Variants in AFAP1L1 observed in about 807,000 individuals in gnomAD.
The protein encoded by AFAP1L1 is actin filament-associated protein 1-like 1.
Under a neutral mutation model 99.8 loss-of-function variants are expected in AFAP1L1, and 77 were observed. That is an observed-to-expected ratio of 0.77 (90% CI 0.64 to 0.93). The LOEUF (loss-of-function observed/expected upper bound fraction) is 0.93, where lower values mean the gene tolerates loss of function less well. Ranked by LOEUF, AFAP1L1 falls within the 40% of genes least tolerant of loss-of-function variation. The probability of loss-of-function intolerance (pLI) is 0.00; values close to 1 mark genes in which losing one functional copy is unlikely to be tolerated. For missense variants in AFAP1L1, 893 were observed against 996.8 expected (o/e 0.90, Z 1.40); for synonymous variants, 373 against 395.3 (o/e 0.94, Z 0.67).
At chr5:149,312,226 C>A in intron 9 of AFAP1L1, 22 bp downstream of exon 9, 1 of 1,611,500 alleles carries the variant, frequency 6.2e-7, no homozygotes, top group Non-Finnish European at 8.5e-7. Flanking sequence ...TCCACTAAGT[C>A]TTCCCCAGGC....
intron 15 of AFAP1L1, among the ~76,000 whole-genome samples, chr5:149,324,373 A>G (rs571911152): frequency 4.6e-5 from 7 of 150,806 alleles, no homozygotes; most frequent in Non-Finnish European, 1.0e-4. Flanking sequence ...CACTAATCCT[A>G]CCCATGAGGG....
intron 1 of AFAP1L1, among the ~76,000 whole-genome samples, chr5:149,286,402 A>G (rs544120408): frequency 1.1e-4 from 17 of 152,310 alleles, no homozygotes; most frequent in African/African-American, 1.4e-4. Flanking sequence ...AGGGTCTCAG[A>G]TATTGCAAAT....
intron 1 of AFAP1L1, among the ~76,000 whole-genome samples, chr5:149,287,009 T>G (rs1246472491): frequency 2.0e-5 from 3 of 152,202 alleles, no homozygotes; most frequent in Non-Finnish European, 4.4e-5. Context: ...CTCAGTTTCC[T>G]GTCAGTAAAA....
intron 8 of AFAP1L1, among the ~76,000 whole-genome samples, chr5:149,311,640 A>T (rs1756633644): frequency 6.6e-6 from 1 of 152,196 alleles, no homozygotes; most frequent in African/African-American, 2.4e-5. Context: ...CCTTTAGGAG[A>T]TGGAGGTGAT....
intron 15 of AFAP1L1, 22 bp downstream of exon 15, chr5:149,322,739 C>A (rs1387368007): frequency 1.9e-6 from 3 of 1,551,940 alleles, no homozygotes; most frequent in Admixed American, 1.9e-5. Context: ...GTGGGCCTCC[C>A]CTGCTGACTA....
In AFAP1L1 at chr5:149,310,051, G is replaced by A. The variant is rs773435877; in HGVS notation, c.843G>A (p.Arg281=). The change falls in exon 8 of 19, where the codon AGG becomes AGA. Residue 281 remains arginine, a synonymous_variant. Coordinates refer to ENST00000296721, the MANE Select transcript of AFAP1L1 (RefSeq NM_152406.4). The stretch of plus-strand genomic sequence containing the variant: ...TGCCCAAGGACAGCCGGCACAAGAG[G>A]CACGAGCTGCGTTTCACCCAGGGGG... ...IYVPKDSRHK[R]HELRFTQGAT... is the part of the protein sequence containing the mutation. The A allele has an allele frequency of 1.1e-5, 17 of 1,614,108 alleles. No homozygotes were observed. The highest frequency in any genetic ancestry group is 4.5e-5 in the East Asian group (2 of 44,894).
At chr5:149,301,038 A>G in intron 3 of AFAP1L1, 95 bp from the exon 4 acceptor site, 1 of 1,020,936 alleles carries the variant, frequency 9.8e-7, no homozygotes, top group Admixed American at 1.9e-5. Flanking sequence ...GCCCGACCTC[A>G]CACTCAGGCC....
At chr5:149,338,400 A>G (rs543934223) in intron 18 of AFAP1L1, among the ~76,000 whole-genome samples, 26 of 152,276 alleles carry the variant, frequency 1.7e-4, no homozygotes, top group African/African-American at 4.8e-4. Context: ...GGGAGGGGTG[A>G]GGCTACAGTG....
chr5:149,316,187 G>C lies in AFAP1L1; in HGVS notation c.1151G>C (p.Gly384Ala), dbSNP rs770104361. ...GKKSSLAELK[G>A]SMSRAAGRKI... The stretch of plus-strand genomic sequence containing the variant: ...AAGAGCAGCCTGGCAGAACTGAAGG[G>C]CTCAATGAGCAGGGCTGCGGGCCGC... Residue 384 changes from glycine (G) to alanine (A), a missense_variant, in exon 11 of 19, where the codon GGC (glycine) becomes GCC (alanine). By Grantham distance (60) the Gly-to-Ala change is moderately conservative. Coordinates refer to ENST00000296721, the MANE Select transcript of AFAP1L1 (RefSeq NM_152406.4). 6 of 1,614,102 alleles carry C rather than the reference G, an allele frequency of 3.7e-6. No homozygotes were observed.
At chr5:149,299,750 G>A (rs1434028133) in intron 2 of AFAP1L1, 113 bp downstream of exon 2, 17 of 1,469,840 alleles carry the variant, frequency 1.2e-5, no homozygotes, top group Middle Eastern at 3.5e-4. Context: ...ACCCCCAGGG[G>A]CTGCCGCAGG....
At chr5:149,274,571 T>C (rs964629002) in intron 1 of AFAP1L1, among the ~76,000 whole-genome samples, 2 of 152,208 alleles carry the variant, frequency 1.3e-5, no homozygotes, top group Non-Finnish European at 2.9e-5. Context: ...ATTTTTAAGA[T>C]AAAACATGAG....
chr5:149,318,316 C>G lies in AFAP1L1; in HGVS notation c.1479+376C>G, dbSNP rs540337175. 9.8e-5 allele frequency among the ~76,000 whole-genome samples: 15 copies of G among 152,286 alleles called. No homozygotes were observed. The South Asian group carries it at 1.0e-3, about 11-fold the overall frequency. On this transcript the variant is annotated intron_variant, in intron 12 of 18. Transcript: ENST00000296721. ...CCCAGAACCAAGGTTTGTTTTTTCT[C>G]CCTTACCTTAAAATCCCAAGCCTGA...
intron 17 of AFAP1L1, 78 bp from the exon 18 acceptor site, chr5:149,335,516 A>G (rs1757381741): frequency 6.6e-7 from 1 of 1,510,232 alleles, no homozygotes; most frequent in Admixed American, 2.1e-5. Context: ...AAGTGTCCTC[A>G]TGCTTTTGAG....
intron 4 of AFAP1L1, 35 bp from the exon 5 acceptor site, chr5:149,302,383 C>T (rs1001584714): frequency 1.1e-5 from 17 of 1,516,064 alleles, no homozygotes; most frequent in Non-Finnish European, 1.4e-5. Flanking sequence ...CTACCCTGCT[C>T]CGCTCCCCTA....
At chr5:149,291,201 T>C (rs2438492) in intron 1 of AFAP1L1, among the ~76,000 whole-genome samples, 134,034 of 151,980 alleles carry the variant, frequency 0.88, 59,256 homozygotes, top group Non-Finnish European at 0.91. Flanking sequence ...AGTTGAGAGG[T>C]GAGGAACAGA....
chr5:149,323,969 A>G (rs921671081), intron 15 of AFAP1L1, among the ~76,000 whole-genome samples: 29 of 152,242 alleles, frequency 1.9e-4, no homozygotes, highest in Non-Finnish European at 8.8e-5. Flanking sequence ...CAAATCTTAT[A>G]TGAAAGCCCA....
In AFAP1L1 at chr5:149,307,599, G is replaced by A; in HGVS notation, c.733G>A (p.Glu245Lys). The A allele has an allele frequency of 1.9e-6, 3 of 1,612,440 alleles. No individual in the cohort carries two copies. Among genetic ancestry groups the A allele is most frequent in the Non-Finnish European group, 2.5e-6 (3 of 1,179,976 alleles). ...GGCCAAGCAGCTGACGGTCATCAGGGAGGACCAGCTCCTGGTGAGTGGTCA... is the reference window on the plus strand; with the variant it reads ...GGCCAAGCAGCTGACGGTCATCAGGAAGGACCAGCTCCTGGTGAGTGGTCA... ...QWAKQLTVIR[E>K]DQLLCYKSSK... The change falls in exon 7 of 19, where the codon GAG (glutamate) becomes AAG (lysine). Residue 245 changes from glutamate to lysine, a missense_variant. By Grantham distance (56) the Glu-to-Lys change is moderately conservative. Coordinates refer to ENST00000296721, the MANE Select transcript of AFAP1L1 (RefSeq NM_152406.4).
chr5:149,303,529 A>G (rs1009744572), intron 5 of AFAP1L1, among the ~76,000 whole-genome samples: 2 of 152,250 alleles, frequency 1.3e-5, no homozygotes, highest in African/African-American at 4.8e-5. Flanking sequence ...ATTCAGTAGC[A>G]CAGTGGAATG....
intron 1 of AFAP1L1, among the ~76,000 whole-genome samples, chr5:149,288,353 C>T (rs1387435326): frequency 2.0e-5 from 3 of 152,162 alleles, no homozygotes; most frequent in African/African-American, 7.2e-5. Flanking sequence ...CATGTGTAAA[C>T]GCAGGCAAAA....
Sources: gnomAD v4.1 joint callset for allele counts (sites outside exome capture counted in the v4.1 genomes callset) on GRCh38, gnomAD v4.1.1 for gene constraint, MANE v1.5 for transcripts, NCBI Gene and HGNC (gene_info 2026-07-23, HGNC 2026-07-21) for gene names.